The following SNX18 variants were observed in gnomAD, a reference collection of about 807,000 sequenced individuals.
SNX18 encodes the protein sorting nexin 18, also known as sorting nexin-18.
A neutral mutation model predicts 48.7 loss-of-function variants in SNX18; 35 were observed. The ratio of observed to expected loss-of-function variants is 0.72; its 90% CI spans 0.55 to 0.95. The LOEUF is 0.95. SNX18 is among the 40% of genes least tolerant of loss of function. The pLI is 0.00. For synonymous variants in SNX18, 492 were observed against 384.7 expected (o/e 1.28, Z -3.26); for missense variants, 824 against 871.0 (o/e 0.95, Z 0.68).
chr5:54,526,966 A>G lies in SNX18; in HGVS notation c.1621+7393A>G, dbSNP rs552264783. Reference sequence around the variant, plus strand: ...CGTCCAAGCAGGTATCTCGGGGGAGAGCTTTTCAGGCAGAGGGTTTAGCTA... The same window carrying G: ...CGTCCAAGCAGGTATCTCGGGGGAGGGCTTTTCAGGCAGAGGGTTTAGCTA... On this transcript the variant is annotated intron_variant, in intron 1 of 1. Transcript: ENST00000381410. 5.3e-5 allele frequency among the ~76,000 whole-genome samples: 8 copies of G among 151,204 alleles called. No individual in the cohort carries two copies. In the South Asian group the frequency reaches 1.5e-3, roughly 28 times the overall value.
chr5:54,605,325 GTA>G, the SNX18 span, among the ~76,000 whole-genome samples: 1 of 152,236 alleles, frequency 6.6e-6, no homozygotes, highest in Middle Eastern at 3.4e-3. Context: ...TTGTTCCAGA[GTA>G]GTACCAGCAG....
the SNX18 span, among the ~76,000 whole-genome samples, chr5:54,638,181 T>A: frequency 5.9e-5 from 9 of 152,240 alleles, no homozygotes; most frequent in African/African-American, 1.9e-4. Flanking sequence ...TATGTTGACT[T>A]TAATAACTTA....
At chr5:54,572,910 C>T in the SNX18 span, among the ~76,000 whole-genome samples, 1 of 148,104 alleles carries the variant, frequency 6.8e-6, no homozygotes, top group Non-Finnish European at 1.5e-5. Flanking sequence ...TCTTCTGCCT[C>T]AGCCTGTCAG....
intron 1 of SNX18, among the ~76,000 whole-genome samples, chr5:54,527,367 G>C (rs1351739165): frequency 6.6e-6 from 1 of 152,046 alleles, no homozygotes; most frequent in Non-Finnish European, 1.5e-5. Flanking sequence ...CCGGGGGGGG[G>C]GGTCCCCCTC....
At chr5:54,612,926 G>C in the SNX18 span, among the ~76,000 whole-genome samples, 1 of 152,200 alleles carries the variant, frequency 6.6e-6, no homozygotes, top group Admixed American at 6.5e-5. Context: ...CAGACGTAAG[G>C]CATCTAATCG....
At chr5:54,602,527 G>A in the SNX18 span, among the ~76,000 whole-genome samples, 1 of 152,190 alleles carries the variant, frequency 6.6e-6, no homozygotes, top group African/African-American at 2.4e-5. Context: ...CGAATCCATA[G>A]GAGTGTGCAG....
chr5:54,543,541 G>A lies in SNX18; in HGVS notation c.*109G>A, dbSNP rs775320735. 28 of 1,340,438 alleles carry A rather than the reference G, an allele frequency of 2.1e-5. No individual in the cohort carries two copies. The highest frequency in any genetic ancestry group is 4.5e-5 in the Admixed American group (2 of 44,026). 83.0% of individuals were successfully genotyped at this position (1,340,438 alleles called of 1,614,324 possible). A position where few individuals can be genotyped will look rare whatever the true frequency, so the allele number is the denominator to read the frequency against. On this transcript the variant is annotated 3_prime_UTR_variant, in exon 2 of 2. Coordinates refer to ENST00000381410, the MANE Select transcript of SNX18 (RefSeq NM_001102575.2). ...CAGCTATCAGTGGTGGTACAAGGAC[G>A]GTTTTGTGTTCATCTGAAACCCAGC... is the stretch of plus-strand genomic sequence containing the variant.
the SNX18 span, among the ~76,000 whole-genome samples, chr5:54,568,549 G>T: frequency 6.6e-6 from 1 of 152,158 alleles, no homozygotes. Context: ...CATTTCCAAA[G>T]GAAGGGGTGG....
At chr5:54,597,093 G>A in the SNX18 span, among the ~76,000 whole-genome samples, 13 of 152,184 alleles carry the variant, frequency 8.5e-5, no homozygotes, top group Admixed American at 8.5e-4. Flanking sequence ...GCAAAAAGCA[G>A]GGGTTGCAAT....
At chr5:54,531,227 C>A (rs1317724708) in intron 1 of SNX18, among the ~76,000 whole-genome samples, 5 of 152,020 alleles carry the variant, frequency 3.3e-5, no homozygotes, top group Admixed American at 3.3e-4. Flanking sequence ...ACTCGAGACA[C>A]CTGCCAGGTA....
chr5:54,528,810 C>T (rs1762195615), intron 1 of SNX18, among the ~76,000 whole-genome samples: 2 of 152,112 alleles, frequency 1.3e-5, no homozygotes, highest in South Asian at 2.1e-4. Context: ...TTTGCCAAGC[C>T]GGCAGAGTCG....
At chr5:54,562,625 C>T in the SNX18 span, among the ~76,000 whole-genome samples, 2 of 152,114 alleles carry the variant, frequency 1.3e-5, no homozygotes, top group South Asian at 2.1e-4. Flanking sequence ...CACTGCCTGT[C>T]GTGTGAAGGG....
chr5:54,577,998 C>T, the SNX18 span, among the ~76,000 whole-genome samples: 1 of 152,194 alleles, frequency 6.6e-6, no homozygotes, highest in African/African-American at 2.4e-5. Context: ...CAAAAATGCC[C>T]AGTTTGCTCC....
intron 1 of SNX18, among the ~76,000 whole-genome samples, chr5:54,529,556 G>T (rs183480268): frequency 6.6e-6 from 1 of 152,320 alleles, no homozygotes; most frequent in Admixed American, 6.5e-5. Context: ...CAGGTTAGGG[G>T]AGTGGGTGTG....
At chr5:54,614,213 A>G in the SNX18 span, among the ~76,000 whole-genome samples, 10 of 152,116 alleles carry the variant, frequency 6.6e-5, no homozygotes, top group African/African-American at 2.4e-4. Flanking sequence ...AGGAGAAAAA[A>G]CTTTGGAGCT....
At chr5:54,557,923 G>A in the SNX18 span, among the ~76,000 whole-genome samples, 1 of 152,100 alleles carries the variant, frequency 6.6e-6, no homozygotes, top group Admixed American at 6.6e-5. Context: ...AATAGAGACA[G>A]AACCTCACCA....
intron 1 of SNX18, 60 bp from the exon 2 acceptor site, chr5:54,543,119 T>C (rs1762503626): frequency 6.6e-7 from 1 of 1,512,104 alleles, no homozygotes; most frequent in African/African-American, 1.4e-5. Context: ...TAATATGTAG[T>C]TATGTTCTTG....
the SNX18 span, among the ~76,000 whole-genome samples, chr5:54,562,138 C>G: frequency 6.6e-6 from 1 of 152,170 alleles, no homozygotes; most frequent in African/African-American, 2.4e-5. Flanking sequence ...TTAGCTCTTT[C>G]AAACCTCAGA....
At chr5:54,551,020 G>T (rs1438182423), downstream of SNX18, among the ~76,000 whole-genome samples, 3 of 151,386 alleles carry the variant, frequency 2.0e-5, no homozygotes, top group African/African-American at 7.3e-5. Flanking sequence ...ATAAACGATT[G>T]AATGTATTTC....
Sources: gnomAD v4.1 joint callset for allele counts (sites outside exome capture counted in the v4.1 genomes callset) on GRCh38, gnomAD v4.1.1 for gene constraint, MANE v1.5 for transcripts, NCBI Gene and HGNC (gene_info 2026-07-23, HGNC 2026-07-21) for gene names.